ELMO1: variants seen among roughly 807,000 people sequenced by gnomAD.
ELMO1 encodes engulfment and cell motility protein 1.
ELMO1 carries 26 observed loss-of-function variants against 98.9 expected under a neutral mutation model. The observed-to-expected ratio is 0.26, with a 90% CI of 0.19 to 0.36. The LOEUF (loss-of-function observed/expected upper bound fraction) is 0.36. Ranked by LOEUF, ELMO1 falls within the 10% of genes least tolerant of loss-of-function variation. ELMO1 has a pLI of 1.00. For synonymous variants in ELMO1, 346 were observed against 346.0 expected (o/e 1.00, Z 0.00); for missense variants, 627 against 935.2 (o/e 0.67, Z 4.30).
intron 16 of ELMO1, among the ~76,000 whole-genome samples, chr7:36,953,032 C>G (rs141470739): frequency 7.4e-6 from 1 of 135,938 alleles, no homozygotes; most frequent in Non-Finnish European, 1.5e-5. Context: ...AGTACAGTGG[C>G]GCGATCTCGG....
chr7:37,276,400 A>G (rs920195594), intron 4 of ELMO1, among the ~76,000 whole-genome samples: 5 of 152,146 alleles, frequency 3.3e-5, no homozygotes, highest in Non-Finnish European at 7.4e-5. Context: ...CGAGGTCAGG[A>G]GATCGAGACC....
chr7:36,929,838 A>G (rs1785888931), intron 16 of ELMO1, among the ~76,000 whole-genome samples: 1 of 152,242 alleles, frequency 6.6e-6, no homozygotes, highest in Non-Finnish European at 1.5e-5. Flanking sequence ...AACAAGCCAG[A>G]GCTTGTCCGG....
chr7:37,199,412 A>G (rs1419440399), intron 13 of ELMO1, among the ~76,000 whole-genome samples: 1 of 152,184 alleles, frequency 6.6e-6, no homozygotes, highest in South Asian at 2.1e-4. Context: ...GTGAGCCATG[A>G]TGATGCCACT....
chr7:36,967,619 A>G (rs919654255), intron 16 of ELMO1, among the ~76,000 whole-genome samples: 2 of 152,214 alleles, frequency 1.3e-5, no homozygotes, highest in Non-Finnish European at 2.9e-5. Flanking sequence ...GGAAAGAGCA[A>G]GAGAAATCCG....
intron 14 of ELMO1, among the ~76,000 whole-genome samples, chr7:37,101,406 C>T (rs570232808): frequency 3.9e-5 from 6 of 152,202 alleles, no homozygotes; most frequent in African/African-American, 7.2e-5. Context: ...AGCCGGTGAC[C>T]GAGAGACAGC....
At chr7:37,090,207 T>C (rs577136243) in intron 15 of ELMO1, among the ~76,000 whole-genome samples, 12 of 152,330 alleles carry the variant, frequency 7.9e-5, no homozygotes, top group Admixed American at 2.0e-4. Context: ...TCTGGACTTA[T>C]GCAATACATG....
intron 16 of ELMO1, among the ~76,000 whole-genome samples, chr7:36,895,919 G>A (rs1342662437): frequency 1.3e-5 from 2 of 152,134 alleles, no homozygotes; most frequent in Non-Finnish European, 1.5e-5. Context: ...TCAAACCTAT[G>A]AGGTAGATAT....
At chr7:37,253,990 T>C (rs185521375) in intron 6 of ELMO1, among the ~76,000 whole-genome samples, 196 of 152,320 alleles carry the variant, frequency 1.3e-3, no homozygotes, top group Admixed American at 2.7e-3. Flanking sequence ...TTAATTGAAG[T>C]CTTGCTCTAA....
intron 20 of ELMO1, 180 bp from the exon 21 acceptor site, chr7:36,861,916 C>T (rs561686197): frequency 1.1e-4 from 71 of 618,582 alleles, no homozygotes; most frequent in Non-Finnish European, 1.9e-4. Flanking sequence ...TTCCTTCTCT[C>T]CATTCACGGC....
intron 5 of ELMO1, among the ~76,000 whole-genome samples, chr7:37,264,965 G>A (rs80310998): frequency 0.057 from 8,682 of 152,142 alleles, 321 homozygotes; most frequent in Middle Eastern, 0.1. Context: ...TCAAATGTAC[G>A]CTCAATGTTG....
chr7:37,058,999 T>C (rs1796533323), intron 15 of ELMO1, among the ~76,000 whole-genome samples: 1 of 152,096 alleles, frequency 6.6e-6, no homozygotes, highest in Non-Finnish European at 1.5e-5. Flanking sequence ...ACACGAGGCA[T>C]CCCATTGGCT....
chr7:37,107,575 T>C (rs1394205831), intron 14 of ELMO1, among the ~76,000 whole-genome samples: 1 of 152,216 alleles, frequency 6.6e-6, no homozygotes, highest in African/African-American at 2.4e-5. Flanking sequence ...ATTACATTAC[T>C]GAATACAAAT....
chr7:37,064,471 G>A (rs1736826775), intron 15 of ELMO1, among the ~76,000 whole-genome samples: 1 of 152,140 alleles, frequency 6.6e-6, no homozygotes, highest in South Asian at 2.1e-4. Flanking sequence ...TGGGCCTTGG[G>A]CTAACTACTT....
intron 15 of ELMO1, among the ~76,000 whole-genome samples, chr7:37,021,899 A>G (rs938082047): frequency 6.6e-6 from 1 of 152,210 alleles, no homozygotes; most frequent in Non-Finnish European, 1.5e-5. Flanking sequence ...AGCAATGAAG[A>G]CAGTGTGGTA....
At chr7:37,052,790 G>T (rs889634463) in intron 15 of ELMO1, among the ~76,000 whole-genome samples, 1 of 152,172 alleles carries the variant, frequency 6.6e-6, no homozygotes, top group Non-Finnish European at 1.5e-5. Flanking sequence ...ATTGCTGCAG[G>T]GTAGGGATAA....
At chr7:37,421,058 A>C (rs976478852) in intron 1 of ELMO1, among the ~76,000 whole-genome samples, 1 of 152,246 alleles carries the variant, frequency 6.6e-6, no homozygotes, top group Non-Finnish European at 1.5e-5. Context: ...TCTTCCTCTT[A>C]AAAGCACACT....
chr7:37,399,184 C>T (rs976503812), intron 1 of ELMO1, among the ~76,000 whole-genome samples: 2 of 152,190 alleles, frequency 1.3e-5, no homozygotes, highest in African/African-American at 4.8e-5. Flanking sequence ...TGCCCAGGCT[C>T]TGCCAGGAAA....
chr7:37,057,480 T>A lies in ELMO1; in HGVS notation c.1300+39139A>T, dbSNP rs576397356. Among the ~76,000 whole-genome samples, 3 of 151,950 alleles carry A rather than the reference T, an allele frequency of 2.0e-5. No homozygotes were observed. The East Asian group carries it at 5.8e-4, about 30-fold the overall frequency. ...GTGACATCAAGTTCTCCTTAAGCCATCAGGTTCTCATGAAATAATCTACAC... is the reference window on the plus strand; with the variant it reads ...GTGACATCAAGTTCTCCTTAAGCCAACAGGTTCTCATGAAATAATCTACAC... On this transcript the variant is annotated intron_variant, in intron 15 of 21. Coordinates refer to ENST00000310758, the MANE Select transcript of ELMO1 (RefSeq NM_014800.11).
chr7:37,425,419 G>A (rs549196859), intron 1 of ELMO1, among the ~76,000 whole-genome samples: 8 of 152,216 alleles, frequency 5.3e-5, no homozygotes, highest in Admixed American at 2.0e-4. Flanking sequence ...ATTTGGAGGC[G>A]TGGGGGTGTG....
Sources: gnomAD v4.1 joint callset for allele counts (sites outside exome capture counted in the v4.1 genomes callset) on GRCh38, gnomAD v4.1.1 for gene constraint, MANE v1.5 for transcripts, NCBI Gene and HGNC (gene_info 2026-07-23, HGNC 2026-07-21) for gene names.